Variants in SYT14 observed in about 807,000 individuals in gnomAD.
SYT14 encodes the protein synaptotagmin-14.
SYT14 carries 32 observed loss-of-function variants against 74.2 expected under a neutral mutation model. The observed-to-expected ratio is 0.43, with a 90% confidence interval of 0.33 to 0.58. The LOEUF is 0.58. SYT14 is among the 20% of genes least tolerant of loss of function. SYT14 has a pLI of 0.05. For missense variants in SYT14, 791 were observed against 981.8 expected (o/e 0.81, Z 2.60); for synonymous variants, 298 against 337.7 (o/e 0.88, Z 1.29).
In SYT14 at chr1:210,000,466, G is replaced by GCACGCACACA. The variant is rs1553264182; in HGVS notation, c.-485-13164_-485-13163insGCACACACAC. On this transcript the variant is annotated intron_variant, in intron 2 of 9. Coordinates refer to ENST00000637265, the Ensembl canonical transcript of SYT14. The stretch of plus-strand genomic sequence containing the variant: ...TTATTTTAGTCCTTTGTCCTCATAC[G>GCACGCACACA]CACACACACACACACACACACACAC... Among the ~76,000 whole-genome samples the GCACGCACACA allele has an allele frequency of 2.8e-5, 4 of 143,200 alleles. No homozygotes were observed. In the East Asian group the frequency reaches 6.2e-4, roughly 22 times the overall value. The allele number at this position is 143,200 out of a possible 152,430, so 93.9% of individuals were successfully genotyped here.
intron 5 of SYT14, among the ~76,000 whole-genome samples, chr1:210,036,445 C>T (rs1372503518): frequency 2.6e-5 from 4 of 152,068 alleles, no homozygotes; most frequent in African/African-American, 9.7e-5. Context: ...CCTGATTGCT[C>T]TGCCTAGGAC....
At chr1:209,939,750 C>T (rs1261836636) in intron 1 of SYT14, among the ~76,000 whole-genome samples, 1 of 152,230 alleles carries the variant, frequency 6.6e-6, no homozygotes, top group African/African-American at 2.4e-5. Flanking sequence ...CACACTACCA[C>T]ACCACGTGAA....
chr1:209,950,012 A>G (rs940298896), intron 1 of SYT14, among the ~76,000 whole-genome samples: 1 of 152,214 alleles, frequency 6.6e-6, no homozygotes, highest in African/African-American at 2.4e-5. Flanking sequence ...GTTCTGATAA[A>G]TGTCTTAGAA....
At chr1:210,143,195 G>A (rs1462459512) in intron 7 of SYT14, among the ~76,000 whole-genome samples, 2 of 152,140 alleles carry the variant, frequency 1.3e-5, no homozygotes, top group African/African-American at 4.8e-5. Context: ...ATGCCCAAAA[G>A]TTGGAAAAGG....
intron 8 of SYT14, among the ~76,000 whole-genome samples, chr1:210,158,594 G>A (rs1400584513): frequency 1.3e-5 from 2 of 152,164 alleles, no homozygotes; most frequent in East Asian, 1.9e-4. Context: ...CTGGCCAAGC[G>A]CAGGGTTGGA....
At chr1:210,142,007 A>G (rs2082925153) in intron 7 of SYT14, among the ~76,000 whole-genome samples, 1 of 152,222 alleles carries the variant, frequency 6.6e-6, no homozygotes, top group Non-Finnish European at 1.5e-5. Flanking sequence ...GCCATGTTAA[A>G]CACTTGCCAC....
chr1:209,940,591 G>A (rs1451269853), intron 1 of SYT14, among the ~76,000 whole-genome samples: 2 of 151,956 alleles, frequency 1.3e-5, no homozygotes, highest in Non-Finnish European at 2.9e-5. Context: ...ACTGTTTTTT[G>A]GCAGTAATTC....
Position 210,114,654 on chromosome 1 carries a change from T to C in SYT14, c.2034+14193T>C, listed in dbSNP as rs1210818981. Among the ~76,000 whole-genome samples the C allele has an allele frequency of 8.6e-5, 13 of 151,044 alleles. 2 individuals carry two copies. Among genetic ancestry groups the C allele is most frequent in the Admixed American group, 7.9e-4 (12 of 15,230 alleles). On this transcript the variant is annotated intron_variant, in intron 7 of 9. Coordinates refer to ENST00000637265, the Ensembl canonical transcript of SYT14. ...AAAGGAGCCTAAACGCTAACTGATA[T>C]GGGAGAGGTCGGATAAAGAAAAAGG...
chr1:210,010,246 C>T (rs577971503), intron 2 of SYT14, among the ~76,000 whole-genome samples: 1 of 152,244 alleles, frequency 6.6e-6, no homozygotes, highest in East Asian at 1.9e-4. Flanking sequence ...GCTTTCATCT[C>T]CAGTTACAGC....
intron 5 of SYT14, among the ~76,000 whole-genome samples, chr1:210,058,019 ATTGT>A (rs1475718286): frequency 6.6e-6 from 1 of 152,200 alleles, no homozygotes; most frequent in African/African-American, 2.4e-5. Context: ...TATAAGAAAG[ATTGT>A]TTGTCCCTAT....
At chr1:210,133,840 C>CTTT (rs11341932) in intron 7 of SYT14, among the ~76,000 whole-genome samples, 1 of 128,830 alleles carries the variant, frequency 7.8e-6, no homozygotes, top group African/African-American at 2.8e-5. Flanking sequence ...CTTATTTACT[C>CTTT]TTTTTTTTTT....
intron 2 of SYT14, among the ~76,000 whole-genome samples, chr1:209,967,579 G>C (rs950244070): frequency 5.3e-5 from 8 of 151,974 alleles, no homozygotes; most frequent in African/African-American, 1.7e-4. Flanking sequence ...TTTCATCTAA[G>C]TTGTTGGATT....
intron 5 of SYT14, among the ~76,000 whole-genome samples, chr1:210,059,449 T>TAGAGAGAGAGAGAGAGAG (rs796666013): frequency 5.6e-5 from 5 of 89,704 alleles, no homozygotes; most frequent in African/African-American, 2.9e-4. Flanking sequence ...TATATATATA[T>TAGAGAGAGAGAGAGAGAG]ATAGAGAGAG....
chr1:210,171,113 A>G (rs1180020375), exon 10 of SYT14: 1 of 152,146 alleles, frequency 6.6e-6, no homozygotes, highest in Non-Finnish European at 1.5e-5. Context: ...GTTGATTTTT[A>G]ATTCTTTTTC....
intron 5 of SYT14, among the ~76,000 whole-genome samples, chr1:210,038,223 T>C (rs140461814): frequency 6.6e-5 from 10 of 152,230 alleles, no homozygotes; most frequent in African/African-American, 2.4e-4. Flanking sequence ...TTATCTGATA[T>C]AAATGTAGCT....
At chr1:209,968,706 C>A (rs1159534987) in intron 2 of SYT14, among the ~76,000 whole-genome samples, 5 of 149,572 alleles carry the variant, frequency 3.3e-5, no homozygotes, top group Non-Finnish European at 7.4e-5. Flanking sequence ...CATGTCTTTT[C>A]ATGGTTTAGT....
chr1:210,032,238 G>GA (rs2080554386), intron 5 of SYT14, among the ~76,000 whole-genome samples: 1 of 152,048 alleles, frequency 6.6e-6, no homozygotes, highest in East Asian at 1.9e-4. Flanking sequence ...TGGTATCAAT[G>GA]CAGTTGAATT....
At chr1:210,111,552 C>A (rs2082262305) in intron 7 of SYT14, among the ~76,000 whole-genome samples, 1 of 151,088 alleles carries the variant, frequency 6.6e-6, no homozygotes, top group Non-Finnish European at 1.5e-5. Flanking sequence ...CAATGTTTCT[C>A]AGGGCTGCTT....
At chr1:210,111,229 T>C (rs1242778695) in intron 7 of SYT14, among the ~76,000 whole-genome samples, 1 of 151,424 alleles carries the variant, frequency 6.6e-6, no homozygotes, top group East Asian at 1.9e-4. Context: ...TTATAGGATT[T>C]GGGTGGGTAG....
Sources: allele counts gnomAD v4.1 joint callset (sites outside exome capture counted in the v4.1 genomes callset), GRCh38; gene constraint gnomAD v4.1.1; transcripts MANE v1.5; gene names NCBI Gene and HGNC (gene_info 2026-07-23, HGNC 2026-07-21).